Variants in PPM1G observed in about 807,000 individuals in gnomAD.
PPM1G encodes protein phosphatase 1G.
A neutral mutation model predicts 59.4 loss-of-function variants in PPM1G; 12 were observed. The observed-to-expected ratio is 0.20, with a 90% CI of 0.13 to 0.33. The LOEUF (loss-of-function observed/expected upper bound fraction) is 0.33. PPM1G is among the 10% of genes least tolerant of loss of function. The pLI, the probability that PPM1G is intolerant of heterozygous loss-of-function variation, is 1.00. For synonymous variants in PPM1G, 245 were observed against 251.9 expected (o/e 0.97, Z 0.26); for missense variants, 392 against 681.3 (o/e 0.58, Z 4.73).
rs758735159 is a variant in PPM1G at position 27,409,287 on chromosome 2, G to A, written c.120+16C>T. On this transcript the variant is annotated intron_variant, in intron 1 of 9. Transcript: ENST00000344034. ...CCGCCCCGCAGCGGCCAGCCTATGG[G>A]CCCCTGCCTCCTCACCTCCATGGAG... The A allele has an allele frequency of 1.3e-5, 20 of 1,553,508 alleles. No homozygotes were observed. Among genetic ancestry groups the A allele is most frequent in the East Asian group, 2.5e-5 (1 of 40,162 alleles).
At chr2:27,386,306 T>G in intron 2 of PPM1G, 27 bp from the exon 3 acceptor site, 1 of 1,495,748 alleles carries the variant, frequency 6.7e-7, no homozygotes. Context: ...GAAGGTCACC[T>G]GGAGCACTGC....
chr2:27,393,243 A>T (rs1683961095), intron 1 of PPM1G: 1 of 1,579,928 alleles, frequency 6.3e-7, no homozygotes, highest in South Asian at 1.1e-5. Context: ...ATCGCTGTCA[A>T]AGTAGTAAGC....
At chr2:27,389,241 T>C (rs1683841740) in intron 1 of PPM1G, among the ~76,000 whole-genome samples, 1 of 152,154 alleles carries the variant, frequency 6.6e-6, no homozygotes, top group Non-Finnish European at 1.5e-5. Context: ...CATAAAAATA[T>C]ATATATATAT....
In PPM1G at chr2:27,382,129, T is replaced by G. The variant is rs1460140565; in HGVS notation, c.1431A>C (p.Glu477Asp). ...GELRLLSSIV[E>D]ELLDQCLAPD... ...TCTTCTCCACCCTGGTACTCACCTC[T>G]TCCACAATGGATGACAATAACCGAA... The change falls in exon 9 of 10, where the codon GAA becomes GAC. Residue 477 changes from glutamate to aspartate, a missense_variant. Glu to Asp is a conservative substitution (Grantham distance 45). Coordinates refer to ENST00000344034, the MANE Select transcript of PPM1G (RefSeq NM_177983.3). The surrounding 1 kb of genome is among the most constrained non-coding windows in gnomAD (Gnocchi z 4.2). 3 of 1,613,640 alleles carry G rather than the reference T, an allele frequency of 1.9e-6. No individual in the cohort carries two copies. Among genetic ancestry groups the G allele is most frequent in the African/African-American group, 1.3e-5 (1 of 74,918 alleles).
At chr2:27,394,766 A>G (rs1392014045) in intron 1 of PPM1G, among the ~76,000 whole-genome samples, 1 of 141,702 alleles carries the variant, frequency 7.1e-6, no homozygotes, top group African/African-American at 2.7e-5. Context: ...AAAAAAAAAG[A>G]TATTCTTGCA....
Position 27,384,747 on chromosome 2 carries a change from C to A in PPM1G, c.751G>T (p.Val251Phe), listed in dbSNP as rs200231742. ...CSSASDKLPR[V>F]AKSKFFEDSE... ...TCCTCAAAGAACTTGGACTTAGCAA[C>A]TCGAGGCAGCTTGTCAGAGGCTGAA... The change falls in exon 5 of 10, where the codon GTT (valine) becomes TTT (phenylalanine). Residue 251 changes from valine to phenylalanine, a missense_variant. Around this residue, in one of 6 missense-constraint regions of PPM1G, gnomAD observed 188 missense variants for 248.8 expected, o/e 0.76. Coordinates refer to ENST00000344034, the MANE Select transcript of PPM1G (RefSeq NM_177983.3). This position sits in a 1 kb window ranked among gnomAD's most constrained non-coding sequence, Gnocchi z 4.8. The A allele has an allele frequency of 1.2e-6, 2 of 1,614,216 alleles. No homozygotes were observed. Among genetic ancestry groups the A allele is most frequent in the Non-Finnish European group, 1.7e-6 (2 of 1,180,042 alleles).
rs946831280 is a variant in PPM1G, at chr2:27,383,546, A to G, written c.1021T>C (p.Leu341=). The G allele has an allele frequency of 6.2e-7, 1 of 1,614,136 alleles. No homozygotes were observed. The highest frequency in any genetic ancestry group is 2.2e-5 in the East Asian group (1 of 44,880). Residue 341 remains leucine, a synonymous_variant, in exon 7 of 10, where the codon TTG becomes CTG. Transcript: ENST00000344034. The surrounding 1 kb of genome is among the most constrained non-coding windows in gnomAD (Gnocchi z 5.0). ...GAGTCTCCTGCGTTGGCTACAATCA[A>G]CTGCTTCCCTCGTATCAGGGCCACC... The part of the protein sequence containing the change: ...AVVALIRGKQ[L]IVANAGDSRC...
chr2:27,404,633 CTT>C (rs779557008), intron 1 of PPM1G, among the ~76,000 whole-genome samples: 4 of 151,534 alleles, frequency 2.6e-5, no homozygotes, highest in Admixed American at 2.6e-4. Flanking sequence ...TAAATGTACT[CTT>C]GTCCCCTTAA....
intron 1 of PPM1G, among the ~76,000 whole-genome samples, chr2:27,391,818 G>C (rs1243580249): frequency 2.0e-5 from 3 of 150,230 alleles, no homozygotes; most frequent in Non-Finnish European, 4.4e-5. Flanking sequence ...CACAACCTCT[G>C]CCTCTCGGGT....
In PPM1G at chr2:27,383,812, T is replaced by A. The variant is rs988099974; in HGVS notation, c.966+140A>T. ...TCAACCCCAAAGGCTTACCATCTCA[T>A]TCCCCTTGCAGAATAAATCCCCATG... On this transcript the variant is annotated intron_variant, in intron 6 of 9. Coordinates refer to ENST00000344034, the MANE Select transcript of PPM1G (RefSeq NM_177983.3). The surrounding 1 kb of genome is among the most constrained non-coding windows in gnomAD (Gnocchi z 5.0). 1.5e-5 allele frequency: 20 copies of A among 1,341,456 alleles called. No homozygotes were observed. The highest frequency in any genetic ancestry group is 1.8e-5 in the Non-Finnish European group (18 of 988,844). 83.1% of individuals were successfully genotyped at this position (1,341,456 alleles called of 1,614,324 possible).
intron 1 of PPM1G, among the ~76,000 whole-genome samples, chr2:27,398,300 AT>A (rs1393460192): frequency 2.0e-5 from 3 of 152,192 alleles, no homozygotes; most frequent in African/African-American, 7.2e-5. Flanking sequence ...ACAACTTGAT[AT>A]CCACACACAA....
intron 1 of PPM1G, among the ~76,000 whole-genome samples, chr2:27,391,064 C>A (rs1362062326): frequency 2.0e-5 from 3 of 152,166 alleles, no homozygotes; most frequent in African/African-American, 7.2e-5. Flanking sequence ...ACCATATTTT[C>A]TTTTCTTTTC....
Position 27,383,890 on chromosome 2 carries a change from A to C in PPM1G, c.966+62T>G. ...GGGGATCCCCTGTCTCAAAATCAAA[A>C]TTAGGGGATTCACACCTGCCTTGTG... On this transcript the variant is annotated intron_variant, in intron 6 of 9. Transcript: ENST00000344034. This position sits in a 1 kb window ranked among gnomAD's most constrained non-coding sequence, Gnocchi z 5.0. 1 of 1,545,286 alleles carries C rather than the reference A, an allele frequency of 6.5e-7. No homozygotes were observed.
At position 27,382,902 on chromosome 2, in the gene PPM1G, T is replaced by G. The variant is rs1034723866; in HGVS notation, c.1202-297A>C. On this transcript the variant is annotated intron_variant, in intron 7 of 9. Coordinates refer to ENST00000344034, the MANE Select transcript of PPM1G (RefSeq NM_177983.3). This position sits in a 1 kb window ranked among gnomAD's most constrained non-coding sequence, Gnocchi z 4.2. ...GTGTAATGGCACGATCTCGGCTCAC[T>G]ACAACCTCCGCCTCCCGGATTCAAG... Among the ~76,000 whole-genome samples, 1 of 151,212 alleles carries G rather than the reference T, an allele frequency of 6.6e-6. No homozygotes were observed. Among genetic ancestry groups the G allele is most frequent in the Non-Finnish European group, 1.5e-5 (1 of 67,858 alleles).
chr2:27,396,581 GA>G (rs1443521027), intron 1 of PPM1G, among the ~76,000 whole-genome samples: 1 of 151,910 alleles, frequency 6.6e-6, no homozygotes, highest in Non-Finnish European at 1.5e-5. Flanking sequence ...TTGGGAGGCC[GA>G]GGCGGGCGGA....
At chr2:27,391,459 T>C (rs558327113) in intron 1 of PPM1G, among the ~76,000 whole-genome samples, 4 of 152,224 alleles carry the variant, frequency 2.6e-5, no homozygotes, top group South Asian at 2.1e-4. Flanking sequence ...TTCATGTTTG[T>C]GGGCCACATG....
chr2:27,391,627 C>A (rs1274225754), intron 1 of PPM1G, among the ~76,000 whole-genome samples: 1 of 152,014 alleles, frequency 6.6e-6, no homozygotes, highest in Non-Finnish European at 1.5e-5. Flanking sequence ...TTGTTTACCC[C>A]CTTGATAGTT....
At chr2:27,389,527 T>C (rs916750701) in intron 1 of PPM1G, among the ~76,000 whole-genome samples, 1 of 152,160 alleles carries the variant, frequency 6.6e-6, no homozygotes, top group African/African-American at 2.4e-5. Context: ...ACCCACACCT[T>C]TGCTTCTCTC....
At chr2:27,393,413 CGGCGCTGG>C in intron 1 of PPM1G, 1 of 1,258,598 alleles carries the variant, frequency 7.9e-7, no homozygotes, top group Non-Finnish European at 1.1e-6. Context: ...GGTGGCTACG[CGGCGCTGG>C]AGCTGCGGCG....
Sources: allele counts gnomAD v4.1 joint callset (sites outside exome capture counted in the v4.1 genomes callset), GRCh38; gene constraint gnomAD v4.1.1; regional missense constraint gnomAD v4.1.1; non-coding constraint Gnocchi (gnomAD v3.1); transcripts MANE v1.5; gene names NCBI Gene and HGNC (gene_info 2026-07-23, HGNC 2026-07-21).